Variants in MCEE observed in about 807,000 individuals in gnomAD.
MCEE encodes methylmalonyl-CoA epimerase, also known as methylmalonyl-CoA epimerase, mitochondrial.
MCEE carries 6 observed loss-of-function variants against 12.9 expected under a neutral mutation model. The observed-to-expected ratio is 0.47, with a 90% CI of 0.26 to 0.92. The LOEUF (loss-of-function observed/expected upper bound fraction) is 0.92, where lower values mean the gene tolerates loss of function less well. Among genes scored for constraint, MCEE ranks in the 40% least tolerant of loss-of-function variants. The probability of loss-of-function intolerance (pLI) is 0.16; values close to 1 mark genes in which losing one functional copy is unlikely to be tolerated. For missense variants in MCEE, 214 were observed against 212.1 expected, an observed-to-expected ratio of 1.01 and a Z score of -0.05; for synonymous variants, 78 against 77.9, an observed-to-expected ratio of 1.00 and a Z score of -0.01.
chr2:71,130,094 T>C (rs1388915010), intron 1 of MCEE, 86 bp downstream of exon 1: 16 of 1,365,082 alleles, frequency 1.2e-5, no homozygotes, highest in Non-Finnish European at 1.5e-5. Flanking sequence ...CAAGGTGCTT[T>C]GGCCACGCCG....
At chr2:71,114,956 T>G (rs903794570) in intron 2 of MCEE, among the ~76,000 whole-genome samples, 1 of 152,232 alleles carries the variant, frequency 6.6e-6, no homozygotes, top group African/African-American at 2.4e-5. Flanking sequence ...ATAACTCCTA[T>G]GCTACATGTG....
intron 1 of MCEE, among the ~76,000 whole-genome samples, chr2:71,126,111 A>C (rs1043662911): frequency 6.6e-6 from 1 of 152,126 alleles, no homozygotes; most frequent in Non-Finnish European, 1.5e-5. Flanking sequence ...TGGCTTCCCA[A>C]AGTGCTGGGA....
At chr2:71,119,831 G>A (rs995508603) in intron 2 of MCEE, among the ~76,000 whole-genome samples, 2 of 150,186 alleles carry the variant, frequency 1.3e-5, no homozygotes, top group Middle Eastern at 6.8e-3. Flanking sequence ...GAGGTAGAAG[G>A]ATTGCTTGAG....
intron 2 of MCEE, among the ~76,000 whole-genome samples, chr2:71,117,050 C>T (rs1474123362): frequency 6.6e-6 from 1 of 150,636 alleles, no homozygotes; most frequent in Non-Finnish European, 1.5e-5. Context: ...ATTTAACAAA[C>T]ATAAGCTTTA....
rs190426377 is a variant in MCEE, at chr2:71,127,731, A to G, written c.40+2449T>C. 8.4e-4 allele frequency among the ~76,000 whole-genome samples: 128 copies of G among 152,352 alleles called. 1 individual carries two copies. The East Asian group carries it at 0.022, about 26-fold the overall frequency. On this transcript the variant is annotated intron_variant, in intron 1 of 2. Transcript: ENST00000244217. ...AACCTCTGCTTCCCAGGTTCAAGCA[A>G]TTCTCCTGCCTCAGCCTCCGGAGTA...
rs761423768 is a variant in MCEE, at chr2:71,110,109, TTAA to T, written c.389_391del (p.Ile130del). ...TTTTTTCAAATCCATCACAGCTGCA[TTAA>T]TATTATCCACCTTAAGAAAGGGAAA... On this transcript the variant is annotated inframe_deletion, in exon 3 of 3. Transcript: ENST00000244217. 3 of 1,612,766 alleles carry T rather than the reference TTAA, an allele frequency of 1.9e-6. No individual in the cohort carries two copies. Among genetic ancestry groups the T allele is most frequent in the Non-Finnish European group, 2.5e-6 (3 of 1,179,068 alleles).
At chr2:71,116,182 G>T (rs1296773791) in intron 2 of MCEE, among the ~76,000 whole-genome samples, 2 of 149,758 alleles carry the variant, frequency 1.3e-5, no homozygotes, top group African/African-American at 5.1e-5. Context: ...CCGGGTTCAT[G>T]CCGTTCTCCT....
At chr2:71,123,052 G>A (rs957077986) in intron 2 of MCEE, among the ~76,000 whole-genome samples, 5 of 152,134 alleles carry the variant, frequency 3.3e-5, no homozygotes, top group African/African-American at 1.2e-4. Context: ...TCCTCACTAT[G>A]GACATGACTC....
intron 2 of MCEE, among the ~76,000 whole-genome samples, chr2:71,120,741 T>A (rs1486376887): frequency 6.4e-5 from 5 of 78,256 alleles, no homozygotes; most frequent in African/African-American, 2.9e-4. Context: ...GTTCAACATT[T>A]TTTTTTTTTT....
chr2:71,124,541 G>A lies in MCEE; in HGVS notation c.43C>T (p.Leu15Phe). 1 of 1,613,332 alleles carries A rather than the reference G, an allele frequency of 6.2e-7. No homozygotes were observed. The highest frequency in any genetic ancestry group is 8.5e-7 in the Non-Finnish European group (1 of 1,179,680). The change falls in exon 2 of 3, where the codon CTT (leucine) becomes TTT (phenylalanine). Residue 15 changes from leucine (L) to phenylalanine (F), a missense_variant and splice_region_variant. Transcript: ENST00000244217. The part of the protein sequence containing the change: ...LKAAAANAVG[L>F]FSRLQAPIPT... Reference sequence around the variant, plus strand: ...ATGGGAGCTTGAAGTCTGGAAAAAAGCCCTGAAAAATTGAACAGCCATTGA... The same window carrying A: ...ATGGGAGCTTGAAGTCTGGAAAAAAACCCTGAAAAATTGAACAGCCATTGA...
intron 1 of MCEE, among the ~76,000 whole-genome samples, chr2:71,125,114 G>T (rs774935530): frequency 6.8e-6 from 1 of 147,646 alleles, no homozygotes; most frequent in East Asian, 2.0e-4. Flanking sequence ...AGCCTCCCAA[G>T]TAGCTGGGAT....
chr2:71,123,092 C>T (rs74569947), intron 2 of MCEE, among the ~76,000 whole-genome samples: 6,202 of 152,302 alleles, frequency 0.041, 384 homozygotes, highest in African/African-American at 0.13. Flanking sequence ...ATCCCAAGTA[C>T]TTGGCAGAAT....
intron 1 of MCEE, among the ~76,000 whole-genome samples, chr2:71,126,571 A>T (rs1237425855): frequency 1.5e-5 from 2 of 135,792 alleles, no homozygotes; most frequent in Middle Eastern, 3.6e-3. Context: ...ATTTTACCAA[A>T]AAAAAAAAAA....
chr2:71,110,273 C>A (rs1252677754), intron 2 of MCEE, 151 bp from the exon 3 acceptor site: 1 of 720,688 alleles, frequency 1.4e-6, no homozygotes, highest in African/African-American at 1.8e-5. Flanking sequence ...AAAAAATAAG[C>A]TTAAAATTTT....
intron 2 of MCEE, among the ~76,000 whole-genome samples, chr2:71,122,453 C>T (rs183541620): frequency 3.3e-5 from 5 of 152,284 alleles, no homozygotes; most frequent in Admixed American, 2.6e-4. Flanking sequence ...TAAAGACATA[C>T]CCGAGACTGG....
At chr2:71,127,434 T>G (rs1199902133) in intron 1 of MCEE, among the ~76,000 whole-genome samples, 1 of 152,262 alleles carries the variant, frequency 6.6e-6, no homozygotes, top group Non-Finnish European at 1.5e-5. Context: ...AGATGTTAAA[T>G]TTGTATAAAA....
intron 1 of MCEE, among the ~76,000 whole-genome samples, chr2:71,128,858 C>T (rs192153817): frequency 1.3e-5 from 2 of 150,972 alleles, no homozygotes; most frequent in East Asian, 2.0e-4. Flanking sequence ...GGCGTGGTGC[C>T]GGGTGCCTGT....
intron 2 of MCEE, among the ~76,000 whole-genome samples, chr2:71,110,488 G>A (rs543031554): frequency 9.0e-4 from 137 of 152,178 alleles, no homozygotes; most frequent in African/African-American, 3.2e-3. Context: ...AGGCAAATGA[G>A]GTCTACCACA....
chr2:71,115,670 A>T (rs1323645240), intron 2 of MCEE, among the ~76,000 whole-genome samples: 2 of 150,244 alleles, frequency 1.3e-5, no homozygotes, highest in African/African-American at 5.0e-5. Flanking sequence ...CCTCTAAGTA[A>T]GGATGAAAGT....
Sources: allele counts gnomAD v4.1 joint callset (sites outside exome capture counted in the v4.1 genomes callset), GRCh38; gene constraint gnomAD v4.1.1; transcripts MANE v1.5; gene names NCBI Gene and HGNC (gene_info 2026-07-23, HGNC 2026-07-21).